The following NUTM2B variants were observed in gnomAD, a reference collection of about 807,000 sequenced individuals.
The protein encoded by NUTM2B is family with sequence similarity 22, member B.
Under a neutral mutation model 42.4 loss-of-function variants are expected in NUTM2B, and 2 were observed. The ratio of observed to expected loss-of-function variants is 0.05; its 90% CI spans 0.02 to 0.15. The LOEUF (loss-of-function observed/expected upper bound fraction) is 0.15, where lower values mean the gene tolerates loss of function less well. NUTM2B is among the 10% of genes least tolerant of loss of function. NUTM2B has a pLI of 1.00. For synonymous variants in NUTM2B, 18 were observed against 402.4 expected, an observed-to-expected ratio of 0.04 and a Z score of 11.43; for missense variants, 58 against 952.6, an observed-to-expected ratio of 0.06 and a Z score of 12.36.
chr10:79,694,502 C>T, the NUTM2B span, among the ~76,000 whole-genome samples: 5 of 152,114 alleles, frequency 3.3e-5, no homozygotes, highest in Admixed American at 6.5e-5. Flanking sequence ...AAGAACCCAT[C>T]GACAGGGTTC....
At chr10:79,699,204 T>C (rs1251855996), upstream of NUTM2B, among the ~76,000 whole-genome samples, 2 of 151,898 alleles carry the variant, frequency 1.3e-5, no homozygotes, top group East Asian at 1.9e-4. Context: ...ATCCACAAAA[T>C]AGACACAAGC....
chr10:79,707,380 T>C (rs1840412107), intron 2 of NUTM2B, among the ~76,000 whole-genome samples: 1 of 132,944 alleles, frequency 7.5e-6, no homozygotes, highest in Non-Finnish European at 1.6e-5. Context: ...GCACAGTGCC[T>C]GGCACATGCT....
At chr10:79,700,142 CA>C (rs1840286064), upstream of NUTM2B, among the ~76,000 whole-genome samples, 1 of 152,224 alleles carries the variant, frequency 6.6e-6, no homozygotes, top group South Asian at 2.1e-4. Flanking sequence ...ACCAAGCGAA[CA>C]AACTATGACT....
upstream of NUTM2B, among the ~76,000 whole-genome samples, chr10:79,701,576 A>G (rs1216900418): frequency 6.6e-6 from 1 of 151,808 alleles, no homozygotes; most frequent in African/African-American, 2.4e-5. Context: ...TCAAGTGCAG[A>G]GTCTGAGAGC....
chr10:79,705,564 G>A (rs1215370367), intron 1 of NUTM2B, among the ~76,000 whole-genome samples: 8 of 151,040 alleles, frequency 5.3e-5, no homozygotes, highest in East Asian at 2.0e-4. Flanking sequence ...GGGTTTACAA[G>A]AGCGTCAGGA....
rs545410478 is a variant in NUTM2B, at chr10:79,708,598, G to A, written c.1083-101G>A. The A allele has an allele frequency of 8.9e-6, 13 of 1,464,582 alleles. 2 individuals are homozygous for A. In the South Asian group the frequency reaches 2.0e-4, roughly 23 times the overall value. The allele number at this position is 1,464,582 out of a possible 1,614,324, so 90.7% of individuals were successfully genotyped here. A position where few individuals can be genotyped will look rare whatever the true frequency, so the allele number is the denominator to read the frequency against. ...GGGGAGAACAGGACAGGGACAGATG[G>A]CGGGACAGGTGTGGGGAGGACAGGG... On this transcript the variant is annotated intron_variant, in intron 2 of 6. Coordinates refer to ENST00000429828, the Ensembl canonical transcript of NUTM2B.
At chr10:79,700,003 A>C (rs1462909828), upstream of NUTM2B, among the ~76,000 whole-genome samples, 1 of 152,278 alleles carries the variant, frequency 6.6e-6, no homozygotes, top group African/African-American at 2.4e-5. Context: ...TTTTAGATAC[A>C]TGTGTAGCCT....
the NUTM2B span, among the ~76,000 whole-genome samples, chr10:79,695,657 C>A: frequency 6.6e-6 from 1 of 151,980 alleles, no homozygotes; most frequent in African/African-American, 2.4e-5. Context: ...TAGAGGGTGT[C>A]CTCGTCACTC....
At chr10:79,696,647 T>C in the NUTM2B span, among the ~76,000 whole-genome samples, 1 of 152,238 alleles carries the variant, frequency 6.6e-6, no homozygotes, top group African/African-American at 2.4e-5. Context: ...AATCCCCAAA[T>C]TCGCACAAGT....
intron 1 of NUTM2B, among the ~76,000 whole-genome samples, chr10:79,705,187 A>C (rs1840365633): frequency 1.6e-5 from 2 of 124,878 alleles, no homozygotes; most frequent in African/African-American, 6.2e-5. Context: ...CATGACCAGC[A>C]GCTGTGAAAA....
the NUTM2B span, among the ~76,000 whole-genome samples, chr10:79,694,525 G>A: frequency 6.6e-6 from 1 of 152,124 alleles, no homozygotes; most frequent in African/African-American, 2.4e-5. Context: ...AGAAACATCA[G>A]AGCCACATTT....
intron 2 of NUTM2B, among the ~76,000 whole-genome samples, chr10:79,707,192 T>C (rs1321487683): frequency 7.5e-6 from 1 of 132,844 alleles, no homozygotes. Flanking sequence ...TCCGCTGAGG[T>C]CCAGTTAGCA....
the NUTM2B span, among the ~76,000 whole-genome samples, chr10:79,695,802 GCA>G: frequency 6.6e-6 from 1 of 151,680 alleles, no homozygotes; most frequent in African/African-American, 2.4e-5. Flanking sequence ...GTTCTGCTCT[GCA>G]CAGTGTTCTG....
upstream of NUTM2B, among the ~76,000 whole-genome samples, chr10:79,699,596 C>A (rs1360718155): frequency 6.6e-6 from 1 of 152,248 alleles, no homozygotes; most frequent in African/African-American, 2.4e-5. Context: ...GCATGCACCA[C>A]CACACCCAGC....
the NUTM2B span, among the ~76,000 whole-genome samples, chr10:79,696,309 G>T: frequency 2.0e-5 from 3 of 152,026 alleles, no homozygotes; most frequent in African/African-American, 7.2e-5. Context: ...GATGAGAAGA[G>T]ATGTGCTGTG....
chr10:79,701,383 C>T (rs940562722), upstream of NUTM2B, among the ~76,000 whole-genome samples: 9 of 151,992 alleles, frequency 5.9e-5, no homozygotes, highest in Non-Finnish European at 1.0e-4. Context: ...GACTCTGCAA[C>T]ACAGTGCAGA....
upstream of NUTM2B, among the ~76,000 whole-genome samples, chr10:79,700,769 G>A (rs890521581): frequency 6.6e-5 from 10 of 152,324 alleles, no homozygotes; most frequent in Admixed American, 3.3e-4. Context: ...GGTTGAGGGC[G>A]GCCGGCCTCG....
chr10:79,694,182 G>A, the NUTM2B span, among the ~76,000 whole-genome samples: 1 of 152,142 alleles, frequency 6.6e-6, no homozygotes, highest in African/African-American at 2.4e-5. Flanking sequence ...TGGATCACCT[G>A]AGGTTAGGAG....
At chr10:79,707,367 A>C (rs544012952) in intron 2 of NUTM2B, among the ~76,000 whole-genome samples, 3,006 of 132,352 alleles carry the variant, frequency 0.023, 155 homozygotes, top group Non-Finnish European at 0.036. Context: ...TATGACATGC[A>C]TAGCACAGTG....
Sources: allele counts gnomAD v4.1 joint callset (sites outside exome capture counted in the v4.1 genomes callset), GRCh38; gene constraint gnomAD v4.1.1; transcripts MANE v1.5; gene names NCBI Gene and HGNC (gene_info 2026-07-23, HGNC 2026-07-21).